Variants in ATP1B3 observed in about 807,000 individuals in gnomAD.
The protein encoded by ATP1B3 is ATPase Na+/K+ transporting subunit beta 3.
A neutral mutation model predicts 30.2 loss-of-function variants in ATP1B3; 10 were observed. The ratio of observed to expected loss-of-function variants is 0.33; its 90% CI spans 0.20 to 0.56. The LOEUF (loss-of-function observed/expected upper bound fraction) is 0.56. ATP1B3 is among the 20% of genes least tolerant of loss of function. The probability of loss-of-function intolerance (pLI) is 0.90; values close to 1 mark genes in which losing one functional copy is unlikely to be tolerated. For synonymous variants in ATP1B3, 113 were observed against 117.0 expected (o/e 0.97, Z 0.22); for missense variants, 238 against 336.7 (o/e 0.71, Z 2.29).
At chr3:141,890,974 CTT>C (rs763904389) in intron 1 of ATP1B3, among the ~76,000 whole-genome samples, 7 of 152,232 alleles carry the variant, frequency 4.6e-5, no homozygotes, top group Non-Finnish European at 8.8e-5. Context: ...TTTTTGTTCT[CTT>C]GTCTCTTAAC....
intron 1 of ATP1B3, among the ~76,000 whole-genome samples, chr3:141,881,372 A>T (rs577486539): frequency 6.6e-6 from 1 of 152,312 alleles, no homozygotes; most frequent in Non-Finnish European, 1.5e-5. Flanking sequence ...TTCCAAGCCT[A>T]GTCAGAATTC....
intron 1 of ATP1B3, among the ~76,000 whole-genome samples, chr3:141,888,582 TA>T (rs775787324): frequency 1.3e-5 from 2 of 152,156 alleles, no homozygotes; most frequent in Non-Finnish European, 2.9e-5. Context: ...GGGTAATTTA[TA>T]AAGAAAAGAG....
chr3:141,901,134 A>G (rs1208871098), intron 1 of ATP1B3, among the ~76,000 whole-genome samples: 1 of 152,078 alleles, frequency 6.6e-6, no homozygotes, highest in Non-Finnish European at 1.5e-5. Flanking sequence ...AAGATTTTAA[A>G]CTAGCTAGGG....
chr3:141,902,430 G>A (rs1934181721), intron 1 of ATP1B3, among the ~76,000 whole-genome samples: 1 of 152,094 alleles, frequency 6.6e-6, no homozygotes, highest in South Asian at 2.1e-4. Flanking sequence ...GCCACTCCCT[G>A]GGGGGAAAAT....
At chr3:141,914,443 T>C (rs1253408723) in intron 4 of ATP1B3, among the ~76,000 whole-genome samples, 1 of 152,212 alleles carries the variant, frequency 6.6e-6, no homozygotes, top group Non-Finnish European at 1.5e-5. Context: ...AGGAAGAAGC[T>C]AATGTTCTCT....
chr3:141,924,525 C>T (rs544862360), intron 6 of ATP1B3, among the ~76,000 whole-genome samples: 5 of 151,484 alleles, frequency 3.3e-5, no homozygotes, highest in South Asian at 4.2e-4. Context: ...GGTGGGCACC[C>T]GTGACTCCAG....
chr3:141,884,593 A>G (rs1195341666), intron 1 of ATP1B3, among the ~76,000 whole-genome samples: 1 of 152,198 alleles, frequency 6.6e-6, no homozygotes, highest in African/African-American at 2.4e-5. Context: ...CCCACTCTTA[A>G]TTGGGTGGGC....
chr3:141,900,502 T>A (rs1934144018), intron 1 of ATP1B3, among the ~76,000 whole-genome samples: 1 of 152,176 alleles, frequency 6.6e-6, no homozygotes, highest in Non-Finnish European at 1.5e-5. Flanking sequence ...GAGCACTTAC[T>A]TTCCTGAGCT....
chr3:141,907,322 T>A, intron 3 of ATP1B3, 48 bp downstream of exon 3: 1 of 1,516,712 alleles, frequency 6.6e-7, no homozygotes, highest in South Asian at 1.2e-5. Context: ...GTTATAGAAA[T>A]TAGTACCAAA....
At chr3:141,885,900 CA>C (rs1259442122) in intron 1 of ATP1B3, among the ~76,000 whole-genome samples, 1 of 151,218 alleles carries the variant, frequency 6.6e-6, no homozygotes, top group African/African-American at 2.4e-5. Flanking sequence ...CACACACACA[CA>C]CACACACACA....
chr3:141,916,842 A>G (rs1029841174), intron 5 of ATP1B3, among the ~76,000 whole-genome samples: 1 of 151,866 alleles, frequency 6.6e-6, no homozygotes, highest in Admixed American at 6.6e-5. Context: ...AGTAGGTCTG[A>G]GATAGGGTCC....
rs1225962046 is a variant in ATP1B3, at chr3:141,876,643, AG to A, written c.-158del. 3 of 389,830 alleles carry A rather than the reference AG, an allele frequency of 7.7e-6. No homozygotes were observed. The highest frequency in any genetic ancestry group is 6.6e-5 in the African/African-American group (3 of 45,304). 24.1% of individuals were successfully genotyped at this position (389,830 alleles called of 1,614,324 possible). On this transcript the variant is annotated 5_prime_UTR_variant, in exon 1 of 7. Coordinates refer to ENST00000286371, the MANE Select transcript of ATP1B3 (RefSeq NM_001679.4). ...GCGGCCGCCCGGCGCGGCGCGGCGC[AG>A]TCGGCTCGAGTACTCCCCGTAACGA...
At chr3:141,909,742 T>C (rs1246745636) in intron 3 of ATP1B3, among the ~76,000 whole-genome samples, 1 of 152,198 alleles carries the variant, frequency 6.6e-6, no homozygotes, top group Non-Finnish European at 1.5e-5. Context: ...TGTTAAGTTC[T>C]TTGGCTTTTA....
chr3:141,878,642 A>G (rs991737385), intron 1 of ATP1B3, among the ~76,000 whole-genome samples: 2 of 152,250 alleles, frequency 1.3e-5, no homozygotes, highest in Admixed American at 1.3e-4. Flanking sequence ...ATTTAAATAG[A>G]TAACATGCAC....
At chr3:141,914,872 G>T (rs1292599634) in intron 4 of ATP1B3, among the ~76,000 whole-genome samples, 1 of 152,226 alleles carries the variant, frequency 6.6e-6, no homozygotes, top group East Asian at 1.9e-4. Context: ...ACAACTGACA[G>T]CTTCCAGATT....
At chr3:141,922,921 G>T (rs1437086503) in intron 6 of ATP1B3, among the ~76,000 whole-genome samples, 1 of 152,098 alleles carries the variant, frequency 6.6e-6, no homozygotes, top group African/African-American at 2.4e-5. Flanking sequence ...AGCCGAGATT[G>T]TGCCACTGCA....
chr3:141,890,288 T>C lies in ATP1B3; in HGVS notation c.110-13332T>C, dbSNP rs1245657681. ...GTTTGTTTGTTTTTTTGTGGGGCTT[T>C]TTTTTTTTTTTTTTTTTTTTTTTTT... On this transcript the variant is annotated intron_variant, in intron 1 of 6. Transcript: ENST00000286371. Among the ~76,000 whole-genome samples, 23 of 7,494 alleles carry C rather than the reference T, an allele frequency of 3.1e-3. 4 individuals carry two copies. Among genetic ancestry groups the C allele is most frequent in the African/African-American group, 0.019 (19 of 990 alleles). 4.9% of individuals were successfully genotyped at this position (7,494 alleles called of 152,430 possible).
At chr3:141,890,257 AT>A (rs1933920541) in intron 1 of ATP1B3, among the ~76,000 whole-genome samples, 4 of 16,372 alleles carry the variant, frequency 2.4e-4, no homozygotes, top group Admixed American at 1.0e-3. Flanking sequence ...TAATTTTTTG[AT>A]TTTTGTTTGT....
intron 1 of ATP1B3, among the ~76,000 whole-genome samples, chr3:141,892,670 A>C (rs1933978481): frequency 7.1e-6 from 1 of 141,178 alleles, no homozygotes; most frequent in Admixed American, 7.1e-5. Context: ...AAAAAAAAAA[A>C]AAAAAACAGT....
Sources: allele counts gnomAD v4.1 joint callset (sites outside exome capture counted in the v4.1 genomes callset), GRCh38; gene constraint gnomAD v4.1.1; transcripts MANE v1.5; gene names NCBI Gene and HGNC (gene_info 2026-07-23, HGNC 2026-07-21).